The following FOXN3 variants were observed in gnomAD, a reference collection of about 807,000 sequenced individuals.
FOXN3 encodes the protein forkhead box N3, also known as forkhead box protein N3.
FOXN3 carries 7 observed loss-of-function variants against 38.4 expected under a neutral mutation model. The ratio of observed to expected loss-of-function variants is 0.18; its 90% CI spans 0.10 to 0.34. FOXN3 has a LOEUF of 0.34. Among genes scored for constraint, FOXN3 ranks in the 10% least tolerant of loss-of-function variants. The probability of loss-of-function intolerance (pLI) is 1.00; values close to 1 mark genes in which losing one functional copy is unlikely to be tolerated. For missense variants in FOXN3, 456 were observed against 613.4 expected, an observed-to-expected ratio of 0.74 and a Z score of 2.71; for synonymous variants, 230 against 242.2, an observed-to-expected ratio of 0.95 and a Z score of 0.47.
At position 89,601,215 on chromosome 14, in the gene FOXN3, A is replaced by G. The variant is rs570382951; in HGVS notation, c.-15+17813T>C. Among the ~76,000 whole-genome samples the G allele has an allele frequency of 2.1e-4, 32 of 152,338 alleles. No individual in the cohort carries two copies. In the South Asian group the frequency reaches 3.9e-3, roughly 19 times the overall value. Reference sequence around the variant, plus strand: ...GAATTTTGACGATGCTATTCAGGATACCACTTCCTATTCATAATCTGCATA... The same window carrying G: ...GAATTTTGACGATGCTATTCAGGATGCCACTTCCTATTCATAATCTGCATA... On this transcript the variant is annotated intron_variant, in intron 1 of 6. Coordinates refer to the FOXN3 transcript ENST00000345097.
chr14:89,599,208 T>A (rs1371511441), intron 1 of FOXN3, among the ~76,000 whole-genome samples: 1 of 152,226 alleles, frequency 6.6e-6, no homozygotes, highest in East Asian at 1.9e-4. Context: ...TTGGTTTTTT[T>A]AAAGCTTAAT....
chr14:89,455,511 C>T (rs1270251620), intron 1 of FOXN3, among the ~76,000 whole-genome samples: 4 of 152,198 alleles, frequency 2.6e-5, no homozygotes, highest in East Asian at 1.9e-4. Context: ...GTCAGTTCCA[C>T]GCAAGTTCCA....
intron 4 of FOXN3, among the ~76,000 whole-genome samples, chr14:89,213,897 T>C (rs1566930627): frequency 6.6e-6 from 1 of 152,248 alleles, no homozygotes; most frequent in Non-Finnish European, 1.5e-5. Flanking sequence ...CTAAATTTTA[T>C]ACTCACTGTA....
At chr14:89,536,326 G>A (rs1894685896) in intron 1 of FOXN3, among the ~76,000 whole-genome samples, 1 of 152,208 alleles carries the variant, frequency 6.6e-6, no homozygotes, top group African/African-American at 2.4e-5. Context: ...AATGACCTTT[G>A]TGAAGCTGCT....
intron 1 of FOXN3, among the ~76,000 whole-genome samples, chr14:89,464,916 T>C (rs1291548882): frequency 1.3e-5 from 2 of 152,156 alleles, no homozygotes; most frequent in Non-Finnish European, 1.5e-5. Context: ...CAAGCTGGTC[T>C]CGAACACCTG....
At chr14:89,401,632 T>TA (rs1164330421) in intron 2 of FOXN3, 1 of 456,014 alleles carries the variant, frequency 2.2e-6, no homozygotes, top group Non-Finnish European at 4.4e-6. Flanking sequence ...CCCCCTCTAC[T>TA]ATAGCCACGA....
intron 4 of FOXN3, among the ~76,000 whole-genome samples, chr14:89,269,001 TC>T (rs1886066583): frequency 6.6e-6 from 1 of 152,204 alleles, no homozygotes; most frequent in African/African-American, 2.4e-5. Flanking sequence ...ACACAAATGA[TC>T]AGCACACAAT....
chr14:89,238,834 G>A (rs1885054564), intron 4 of FOXN3, among the ~76,000 whole-genome samples: 1 of 151,920 alleles, frequency 6.6e-6, no homozygotes, highest in South Asian at 2.1e-4. Context: ...TGAGTGAAAT[G>A]TATCCATTTC....
chr14:89,301,979 G>C (rs1228309900), intron 3 of FOXN3, among the ~76,000 whole-genome samples: 3 of 151,950 alleles, frequency 2.0e-5, no homozygotes, highest in Admixed American at 1.3e-4. Context: ...CCTTTTCCTT[G>C]CTTGTGACTC....
intron 1 of FOXN3, among the ~76,000 whole-genome samples, chr14:89,527,796 G>A (rs1360433838): frequency 6.6e-6 from 1 of 151,138 alleles, no homozygotes; most frequent in Non-Finnish European, 1.5e-5. Flanking sequence ...CTGCCTCCCA[G>A]GTTCAAGCAA....
chr14:89,205,426 T>G (rs933921469), intron 4 of FOXN3, among the ~76,000 whole-genome samples: 1 of 152,190 alleles, frequency 6.6e-6, no homozygotes, highest in Non-Finnish European at 1.5e-5. Context: ...GCATTTCTGC[T>G]TTCATGCCCA....
intron 4 of FOXN3, among the ~76,000 whole-genome samples, chr14:89,242,539 T>A (rs557814669): frequency 6.6e-6 from 1 of 152,242 alleles, no homozygotes; most frequent in East Asian, 1.9e-4. Flanking sequence ...GAAAGAGCTA[T>A]GAATAATAAT....
chr14:89,378,899 G>T (rs1281428489), intron 2 of FOXN3, among the ~76,000 whole-genome samples: 1 of 152,036 alleles, frequency 6.6e-6, no homozygotes, highest in Admixed American at 6.5e-5. Flanking sequence ...TAGAGACAGG[G>T]TTTCACCATG....
intron 1 of FOXN3, among the ~76,000 whole-genome samples, chr14:89,613,338 G>GA (rs1382708908): frequency 1.3e-5 from 2 of 152,060 alleles, no homozygotes; most frequent in Admixed American, 6.6e-5. Flanking sequence ...AGTTCAAAAA[G>GA]AAAGTCCCCC....
rs114795924 is a variant in FOXN3 at position 89,301,097 on chromosome 14, C to G, written c.681-20083G>C. 6.4e-3 allele frequency among the ~76,000 whole-genome samples: 970 copies of G among 152,206 alleles called. 7 individuals are homozygous for G. The highest frequency in any genetic ancestry group is 0.022 in the African/African-American group (913 of 41,540). ...GGATTACAGGCATGAGCCACTGCAC[C>G]CAGCCTCAGATGTTTATTTTTTATA... On this transcript the variant is annotated intron_variant, in intron 3 of 5. Coordinates refer to ENST00000557258, the MANE Select transcript of FOXN3 (RefSeq NM_005197.4).
chr14:89,616,521 A>ACCCCCCCCCCCCCCCCCCC (rs1161046760), intron 1 of FOXN3, among the ~76,000 whole-genome samples: 1 of 137,890 alleles, frequency 7.3e-6, no homozygotes, highest in African/African-American at 2.8e-5. Flanking sequence ...TCACTCCCCA[A>ACCCCCCCCCCCCCCCCCCC]CCCCACCCCC....
chr14:89,238,183 C>T (rs890125269), intron 4 of FOXN3, among the ~76,000 whole-genome samples: 2 of 152,312 alleles, frequency 1.3e-5, no homozygotes, highest in Admixed American at 6.5e-5. Flanking sequence ...TGGGAATCCC[C>T]GCAGGTGAGT....
chr14:89,280,218 T>C (rs1200614661), intron 4 of FOXN3, among the ~76,000 whole-genome samples: 1 of 152,204 alleles, frequency 6.6e-6, no homozygotes, highest in Non-Finnish European at 1.5e-5. Context: ...CCCAAAGTAA[T>C]TTCTAAAAGG....
rs1211319114 is a variant in FOXN3 at position 89,161,761 on chromosome 14, C to T, written c.*653G>A. 3 of 152,372 alleles carry T rather than the reference C, an allele frequency of 2.0e-5. No individual in the cohort carries two copies. Among genetic ancestry groups the T allele is most frequent in the African/African-American group, 4.8e-5 (2 of 41,440 alleles). 9.4% of individuals were successfully genotyped at this position (152,372 alleles called of 1,614,324 possible). ...CGCATGAACAGTCCAACGTCCACCT[C>T]GTAAGATGTCATCGGGCTTCAGGGT... On this transcript the variant is annotated 3_prime_UTR_variant, in exon 6 of 6. Transcript: ENST00000557258.
Sources: allele counts gnomAD v4.1 joint callset (sites outside exome capture counted in the v4.1 genomes callset), GRCh38; gene constraint gnomAD v4.1.1; transcripts MANE v1.5; gene names NCBI Gene and HGNC (gene_info 2026-07-23, HGNC 2026-07-21).